HYDIN: variants seen among roughly 807,000 people sequenced by gnomAD.
HYDIN encodes axonemal central pair apparatus protein HYDIN.
Under a neutral mutation model 403.9 loss-of-function variants are expected in HYDIN, and 132 were observed. That is an observed-to-expected ratio of 0.33 (90% CI 0.28 to 0.38). The LOEUF (loss-of-function observed/expected upper bound fraction) is 0.38. Among genes scored for constraint, HYDIN ranks in the 10% least tolerant of loss-of-function variants. The pLI is 1.00. For missense variants in HYDIN, 2,827 were observed against 5,009.5 expected, an observed-to-expected ratio of 0.56 and a Z score of 13.15; for synonymous variants, 1,202 against 1,891.7, an observed-to-expected ratio of 0.64 and a Z score of 9.46.
intron 36 of HYDIN, among the ~76,000 whole-genome samples, chr16:70,969,431 A>G (rs184170260): frequency 1.3e-5 from 2 of 152,302 alleles, no homozygotes; most frequent in African/African-American, 4.8e-5. Flanking sequence ...AATAATTCAA[A>G]TGACATTGGA....
intron 44 of HYDIN, among the ~76,000 whole-genome samples, chr16:70,936,540 A>ATTTTT (rs58496012): frequency 1.5e-5 from 1 of 67,474 alleles, no homozygotes; most frequent in Non-Finnish European, 5.6e-5. Flanking sequence ...GAAAATAAGA[A>ATTTTT]TTTTTTTTTT....
intron 12 of HYDIN, chr16:71,080,902 G>C (rs1473437430): frequency 1.3e-5 from 2 of 151,724 alleles, no homozygotes; most frequent in African/African-American, 2.4e-5. Context: ...ACTCAACCTG[G>C]CTTTGAACAC....
At chr16:70,933,177 G>A (rs2077399677) in intron 45 of HYDIN, among the ~76,000 whole-genome samples, 2 of 152,118 alleles carry the variant, frequency 1.3e-5, no homozygotes, top group Admixed American at 6.5e-5. Context: ...TGGGGATGGG[G>A]AAGAAAGGAG....
chr16:71,211,800 G>A (rs2088608369), intron 1 of HYDIN, among the ~76,000 whole-genome samples: 1 of 152,054 alleles, frequency 6.6e-6, no homozygotes, highest in Non-Finnish European at 1.5e-5. Flanking sequence ...GCAAAAATTT[G>A]CAGAAACTAA....
At chr16:71,196,450 T>A (rs1406082273) in intron 1 of HYDIN, among the ~76,000 whole-genome samples, 2 of 152,160 alleles carry the variant, frequency 1.3e-5, no homozygotes, top group Non-Finnish European at 2.9e-5. Context: ...GTGCTCATGG[T>A]TCTCAGGCCT....
intron 1 of HYDIN, among the ~76,000 whole-genome samples, chr16:71,223,172 T>A (rs2040875949): frequency 6.6e-6 from 1 of 152,022 alleles, no homozygotes; most frequent in Admixed American, 6.5e-5. Context: ...TAAAGCCAAA[T>A]AATTACAGCC....
chr16:71,181,665 G>A (rs1268900613), intron 3 of HYDIN, among the ~76,000 whole-genome samples: 1 of 152,044 alleles, frequency 6.6e-6, no homozygotes, highest in East Asian at 1.9e-4. Flanking sequence ...AAGTCAAAGA[G>A]CACAAAGCAA....
intron 41 of HYDIN, among the ~76,000 whole-genome samples, chr16:70,945,073 C>T (rs1318953425): frequency 6.6e-6 from 1 of 152,188 alleles, no homozygotes; most frequent in Non-Finnish European, 1.5e-5. Flanking sequence ...TTTTAAAAGA[C>T]CACCCTACTC....
intron 43 of HYDIN, among the ~76,000 whole-genome samples, chr16:70,940,656 C>T (rs868316069): frequency 2.8e-4 from 42 of 152,346 alleles, no homozygotes; most frequent in Admixed American, 1.6e-3. Flanking sequence ...AACTAGGCAG[C>T]TGGAGGCTGG....
chr16:70,835,563 G>C lies in HYDIN; in HGVS notation c.13401+113C>G, dbSNP rs1404184086. The C allele has an allele frequency of 5.9e-6, 4 of 683,064 alleles. No homozygotes were observed. The African/African-American group carries it at 7.2e-5, about 12-fold the overall frequency. 42.3% of individuals were successfully genotyped at this position (683,064 alleles called of 1,614,324 possible). The stretch of plus-strand genomic sequence containing the variant: ...GGAGTACAGGGAAGGCTCTTAGAAT[G>C]GTCTGGCACATTACAGATGCACAAG... On this transcript the variant is annotated intron_variant, in intron 78 of 85. Coordinates refer to ENST00000393567, the MANE Select transcript of HYDIN (RefSeq NM_001270974.2).
intron 78 of HYDIN, among the ~76,000 whole-genome samples, chr16:70,835,467 T>C: frequency 6.6e-6 from 1 of 152,118 alleles, no homozygotes; most frequent in Non-Finnish European, 1.5e-5. Flanking sequence ...ATAATGTTCG[T>C]TTTCACAAAA....
intron 1 of HYDIN, among the ~76,000 whole-genome samples, chr16:71,228,723 T>C (rs2144781552): frequency 6.6e-6 from 1 of 152,264 alleles, no homozygotes; most frequent in African/African-American, 2.4e-5. Flanking sequence ...GTAAACTAGT[T>C]CAACCATTGT....
At chr16:71,057,797 C>A (rs1343201187) in intron 18 of HYDIN, among the ~76,000 whole-genome samples, 3 of 142,200 alleles carry the variant, frequency 2.1e-5, no homozygotes, top group Non-Finnish European at 4.6e-5. Flanking sequence ...TGAACAGACA[C>A]TTCTCAAAAG....
At chr16:71,098,816 A>T (rs1484436275) in intron 10 of HYDIN, among the ~76,000 whole-genome samples, 4 of 148,760 alleles carry the variant, frequency 2.7e-5, no homozygotes, top group Non-Finnish European at 4.5e-5. Context: ...TAATTACTTC[A>T]AAGGAGTTTG....
At chr16:71,175,519 C>A in intron 5 of HYDIN, 88 bp downstream of exon 5, 1 of 1,369,906 alleles carries the variant, frequency 7.3e-7, no homozygotes, top group East Asian at 2.3e-5. Context: ...CCACCACCAC[C>A]ACCAGCACTA....
intron 7 of HYDIN, among the ~76,000 whole-genome samples, chr16:71,148,257 A>G (rs2085396516): frequency 6.6e-6 from 1 of 152,084 alleles, no homozygotes; most frequent in Non-Finnish European, 1.5e-5. Flanking sequence ...AGAGTCTCCA[A>G]TAAAAACCTA....
At chr16:70,898,234 C>T (rs1253954693) in intron 53 of HYDIN, among the ~76,000 whole-genome samples, 2 of 151,432 alleles carry the variant, frequency 1.3e-5, no homozygotes, top group Admixed American at 1.3e-4. Context: ...AAGCAGCTGT[C>T]ATGATGACCT....
chr16:71,209,331 G>C (rs914448780), intron 1 of HYDIN, among the ~76,000 whole-genome samples: 7 of 151,640 alleles, frequency 4.6e-5, no homozygotes, highest in Non-Finnish European at 7.4e-5. Flanking sequence ...AAGGCTTTCA[G>C]TAAAATTCAA....
intron 1 of HYDIN, among the ~76,000 whole-genome samples, chr16:71,208,407 CA>C (rs1173211781): frequency 6.6e-6 from 1 of 152,084 alleles, no homozygotes; most frequent in Non-Finnish European, 1.5e-5. Flanking sequence ...ACAGCTAAGG[CA>C]GTGTTAAGAG....
Sources: gnomAD v4.1 joint callset for allele counts (sites outside exome capture counted in the v4.1 genomes callset) on GRCh38, gnomAD v4.1.1 for gene constraint, MANE v1.5 for transcripts, NCBI Gene and HGNC (gene_info 2026-07-23, HGNC 2026-07-21) for gene names.